The following ATP6V0A2 variants were observed in gnomAD, a reference collection of about 807,000 sequenced individuals.
ATP6V0A2 encodes ATPase H+ transporting V0 subunit a2.
ATP6V0A2 carries 58 observed loss-of-function variants against 104.4 expected under a neutral mutation model. The observed-to-expected ratio is 0.56, with a 90% CI of 0.45 to 0.69. The LOEUF is 0.69. Among genes scored for constraint, ATP6V0A2 ranks in the 30% least tolerant of loss-of-function variants. The pLI is 0.00. For missense variants in ATP6V0A2, 938 were observed against 1,062.9 expected (o/e 0.88, Z 1.63); for synonymous variants, 376 against 397.9 (o/e 0.95, Z 0.65).
rs1337129412 is a variant in ATP6V0A2 at position 123,735,163 on chromosome 12, GTGTC to G, written c.732-364_732-361del. 2.2e-4 allele frequency among the ~76,000 whole-genome samples: 28 copies of G among 129,080 alleles called. No individual in the cohort carries two copies. In the South Asian group the frequency reaches 5.1e-3, roughly 23 times the overall value. 84.7% of individuals were successfully genotyped at this position (129,080 alleles called of 152,430 possible). ...TTTTCGTGTGTGTGTGTGTGTGTGT[GTGTC>G]TGTGTGTGTCTGTTGTGTGTCTGTG... On this transcript the variant is annotated intron_variant, in intron 7 of 19. Transcript: ENST00000330342.
In ATP6V0A2 at chr12:123,712,562, C is replaced by T; in HGVS notation, c.-4C>T. The T allele has an allele frequency of 6.3e-7, 1 of 1,580,236 alleles. No individual in the cohort carries two copies. ...GAGCCCCTCCGGGCGCGGGTCGGCCCGCCATGGGGTCCCTGTTCCGGAGCG... is the reference window on the plus strand; with the variant it reads ...GAGCCCCTCCGGGCGCGGGTCGGCCTGCCATGGGGTCCCTGTTCCGGAGCG... On this transcript the variant is annotated 5_prime_UTR_variant, in exon 1 of 20. Transcript: ENST00000330342.
intron 6 of ATP6V0A2, chr12:123,733,310 T>A (rs1956520646): frequency 9.7e-6 from 1 of 103,218 alleles, no homozygotes; most frequent in South Asian, 3.9e-4. Context: ...AGAGACTCTG[T>A]CTCAAAAAAA....
Position 123,722,446 on chromosome 12 carries a change from C to T in ATP6V0A2, c.292C>T (p.Gln98Ter). 1 of 1,599,306 alleles carries T rather than the reference C, an allele frequency of 6.3e-7. No individual in the cohort carries two copies. Among genetic ancestry groups the T allele is most frequent in the South Asian group, 1.1e-5 (1 of 90,810 alleles). The change falls in exon 3 of 20, where the codon CAG (glutamine) becomes TAG (stop). Residue 98 changes from glutamine (Q) to a stop codon, truncating the protein, a stop_gained and splice_region_variant. Transcript: ENST00000330342. LOFTEE classifies it high-confidence loss of function. ...APPLKQVLEM[Q>*]EQLQKLEVEL... ...ACCCCTGAAACAGGTTCTAGAAATGCAGGTAACTTGCTTCTGACGAAGCTG... is the reference window on the plus strand; with the variant it reads ...ACCCCTGAAACAGGTTCTAGAAATGTAGGTAACTTGCTTCTGACGAAGCTG...
chr12:123,712,816 A>G, intron 1 of ATP6V0A2, 134 bp downstream of exon 1: 1 of 828,414 alleles, frequency 1.2e-6, no homozygotes, highest in Non-Finnish European at 2.0e-6. Context: ...GGGGAAGATG[A>G]CACCCCAGCT....
chr12:123,749,279 A>G (rs763742667), intron 15 of ATP6V0A2, among the ~76,000 whole-genome samples: 28 of 152,110 alleles, frequency 1.8e-4, no homozygotes, highest in Non-Finnish European at 3.7e-4. Flanking sequence ...ACAGAGCAAG[A>G]CCCTGTCTCA....
chr12:123,735,805 G>T (rs778541849), intron 8 of ATP6V0A2, among the ~76,000 whole-genome samples, 181 bp downstream of exon 8: 1 of 152,124 alleles, frequency 6.6e-6, no homozygotes, highest in Non-Finnish European at 1.5e-5. Context: ...CAACTTGTTA[G>T]GAACCTGAGT....
At chr12:123,737,887 A>G (rs1190299683) in intron 9 of ATP6V0A2, among the ~76,000 whole-genome samples, 1 of 152,008 alleles carries the variant, frequency 6.6e-6, no homozygotes, top group African/African-American at 2.4e-5. Flanking sequence ...AAACTTCTCT[A>G]TTTTTCTTAT....
At chr12:123,717,276 G>C (rs1956351108) in intron 1 of ATP6V0A2, among the ~76,000 whole-genome samples, 1 of 137,272 alleles carries the variant, frequency 7.3e-6, no homozygotes, top group Non-Finnish European at 1.5e-5. Flanking sequence ...GATACTGCCA[G>C]TACGTTCCAG....
At position 123,733,446 on chromosome 12, in the gene ATP6V0A2, C is replaced by T. The variant is rs75736804; in HGVS notation, c.649-480C>T. 176 of 155,754 alleles carry T rather than the reference C, an allele frequency of 1.1e-3. 2 individuals carry two copies. In the East Asian group the frequency reaches 0.025, roughly 22 times the overall value. The allele number at this position is 155,754 out of a possible 1,614,324, so 9.6% of individuals were successfully genotyped here. A position where few individuals can be genotyped will look rare whatever the true frequency, so the allele number is the denominator to read the frequency against. ...AGCCAGCAGCTCTGTGACTCGAGCC[C>T]GAACGAAGTGTCCCTAACACACGCC... On this transcript the variant is annotated intron_variant, in intron 6 of 19. Coordinates refer to ENST00000330342, the MANE Select transcript of ATP6V0A2 (RefSeq NM_012463.4).
intron 17 of ATP6V0A2, among the ~76,000 whole-genome samples, chr12:123,753,496 C>T (rs1279035430): frequency 6.6e-6 from 1 of 152,252 alleles, no homozygotes; most frequent in Non-Finnish European, 1.5e-5. Context: ...TGTGCCTGCA[C>T]CCCTGTTTCT....
chr12:123,718,635 G>GT lies in ATP6V0A2; in HGVS notation c.131dup (p.Ser45LysfsTer10). ...ATCCTTTTCTCAGCTCAACCAGAAC[G>GT]TAAGTTCTTTCCAAAGAAAATTTGT... On this transcript the variant is annotated frameshift_variant, in exon 2 of 20. Transcript: ENST00000330342. LOFTEE classifies it high-confidence loss of function. 6.2e-7 allele frequency: 1 copy of GT among 1,611,476 alleles called. No homozygotes were observed. The highest frequency in any genetic ancestry group is 1.1e-5 in the South Asian group (1 of 90,748).
At position 123,722,425 on chromosome 12, in the gene ATP6V0A2, CT is replaced by C; in HGVS notation, c.272del (p.Leu91ArgfsTer5). The C allele has an allele frequency of 1.2e-6, 2 of 1,611,102 alleles. No individual in the cohort carries two copies. The highest frequency in any genetic ancestry group is 1.7e-6 in the Non-Finnish European group (2 of 1,177,172). ...AGAGGCCAGCCCTCCTGCGCCACCC[CT>C]GAAACAGGTTCTAGAAATGCAGGTA... Reference protein sequence around the residue: ...EGEASPPAPPLKQVLEMQEQL... With the variant: ...EGEASPPAPPXKQVLEMQEQL... On this transcript the variant is annotated frameshift_variant, in exon 3 of 20. Coordinates refer to ENST00000330342, the MANE Select transcript of ATP6V0A2 (RefSeq NM_012463.4). LOFTEE classifies it high-confidence loss of function.
chr12:123,729,566 C>T (rs754565205), intron 6 of ATP6V0A2, among the ~76,000 whole-genome samples: 15 of 151,974 alleles, frequency 9.9e-5, no homozygotes, highest in Non-Finnish European at 1.5e-4. Context: ...GTGGAGGCAG[C>T]GGGGAGAGAC....
At chr12:123,719,815 CA>C (rs931464880) in intron 2 of ATP6V0A2, among the ~76,000 whole-genome samples, 43 of 152,250 alleles carry the variant, frequency 2.8e-4, no homozygotes, top group Middle Eastern at 6.8e-3. Context: ...CCGGACCACA[CA>C]GGGGGAGGTT....
Position 123,760,152 on chromosome 12 carries a change from C to CGATATTCA in ATP6V0A2, c.*2121_*2128dup, listed in dbSNP as rs1566296641. ...TTAGCTGATTGGTAAATAAGGGACA[C>CGATATTCA]GATATTCACGGGAATTGTTTACTGC... On this transcript the variant is annotated 3_prime_UTR_variant, in exon 20 of 20. Coordinates refer to ENST00000330342, the MANE Select transcript of ATP6V0A2 (RefSeq NM_012463.4). The CGATATTCA allele has an allele frequency of 6.6e-6, 1 of 151,924 alleles. No homozygotes were observed. Among genetic ancestry groups the CGATATTCA allele is most frequent in the African/African-American group, 2.4e-5 (1 of 41,198 alleles). 9.4% of individuals were successfully genotyped at this position (151,924 alleles called of 1,614,324 possible).
chr12:123,757,973 G>C lies in ATP6V0A2; in HGVS notation c.2512G>C (p.Val838Leu). The change falls in exon 20 of 20, where the codon GTT becomes CTT. Residue 838 changes from valine to leucine, a missense_variant. By Grantham distance (32) the Val-to-Leu change is conservative. Coordinates refer to ENST00000330342, the MANE Select transcript of ATP6V0A2 (RefSeq NM_012463.4). ...CTACGTTGGTGCAGGCACCAAATTT[G>C]TTCCTTTCTCATTCAGTCTACTTTC... is the stretch of plus-strand genomic sequence containing the variant. ...KFYVGAGTKFVPFSFSLLSSK... is the reference protein window; with the variant it reads ...KFYVGAGTKFLPFSFSLLSSK... The C allele has an allele frequency of 6.2e-7, 1 of 1,608,180 alleles. No individual in the cohort carries two copies. The highest frequency in any genetic ancestry group is 8.5e-7 in the Non-Finnish European group (1 of 1,178,026).
intron 15 of ATP6V0A2, among the ~76,000 whole-genome samples, chr12:123,749,766 G>A (rs1046489322): frequency 6.6e-6 from 1 of 152,202 alleles, no homozygotes; most frequent in African/African-American, 2.4e-5. Context: ...ACGTTGTAAA[G>A]TGTCTGTGAG....
chr12:123,753,546 G>GC (rs1956736228), intron 17 of ATP6V0A2, among the ~76,000 whole-genome samples: 1 of 152,204 alleles, frequency 6.6e-6, no homozygotes, highest in African/African-American at 2.4e-5. Context: ...GTGGGTCAGG[G>GC]CCCACCTCCT....
chr12:123,743,863 A>G lies in ATP6V0A2; in HGVS notation c.1117A>G (p.Asn373Asp), dbSNP rs764031063. Residue 373 changes from asparagine to aspartate, a missense_variant, in exon 10 of 20, where the codon AAC (asparagine) becomes GAC (aspartate). Coordinates refer to ENST00000330342, the MANE Select transcript of ATP6V0A2 (RefSeq NM_012463.4). ...AACACCCCCCACTCGGATCCGCACC[A>G]ACAAATTCACCGAGGGATTTCAGAA... ...KETPPTRIRT[N>D]KFTEGFQNIV... 7 of 1,614,206 alleles carry G rather than the reference A, an allele frequency of 4.3e-6. No individual in the cohort carries two copies. The highest frequency in any genetic ancestry group is 5.9e-6 in the Non-Finnish European group (7 of 1,180,024).
Sources: gnomAD v4.1 joint callset for allele counts (sites outside exome capture counted in the v4.1 genomes callset) on GRCh38, gnomAD v4.1.1 for gene constraint, MANE v1.5 for transcripts, NCBI Gene and HGNC (gene_info 2026-07-23, HGNC 2026-07-21) for gene names.